Variants in SFMBT2 observed in about 807,000 individuals in gnomAD.
SFMBT2 encodes scm-like with four MBT domains protein 2.
SFMBT2 carries 38 observed loss-of-function variants against 110.1 expected under a neutral mutation model. The ratio of observed to expected loss-of-function variants is 0.35; its 90% confidence interval spans 0.27 to 0.45. SFMBT2 has a LOEUF of 0.45. Among genes scored for constraint, SFMBT2 ranks in the 20% least tolerant of loss-of-function variants. The probability of loss-of-function intolerance (pLI) is 1.00; values close to 1 mark genes in which losing one functional copy is unlikely to be tolerated. For synonymous variants in SFMBT2, 425 were observed against 425.4 expected (o/e 1.00, Z 0.01); for missense variants, 1,011 against 1,094.9 (o/e 0.92, Z 1.08).
In SFMBT2 at chr10:7,172,113, T is replaced by C; in HGVS notation, c.2197A>G (p.Ser733Gly). The change falls in exon 19 of 21, where the codon AGT becomes GGT. Residue 733 changes from serine (S) to glycine (G), a missense_variant. Ser to Gly is a moderately conservative substitution (Grantham distance 56, BLOSUM62 0). Transcript: ENST00000397167. The surrounding 1 kb of genome is among the most constrained non-coding windows in gnomAD (Gnocchi z 4.6). ...DADAMDDDTA[S>G]EETGSELRDD... is the part of the protein sequence containing the mutation. The stretch of plus-strand genomic sequence containing the variant: ...CGGAGCTCGGAGCCGGTCTCCTCAC[T>C]GGCGGTGTCATCGTCCATGGCGTCA... The C allele has an allele frequency of 6.3e-7, 1 of 1,591,276 alleles. No homozygotes were observed. The highest frequency in any genetic ancestry group is 8.6e-7 in the Non-Finnish European group (1 of 1,167,908).
chr10:7,255,056 T>C lies in SFMBT2; in HGVS notation c.871-6407A>G, dbSNP rs115857306. Among the ~76,000 whole-genome samples the C allele has an allele frequency of 4.0e-3, 607 of 152,298 alleles. 7 individuals carry two copies. The highest frequency in any genetic ancestry group is 0.014 in the African/African-American group (577 of 41,552). On this transcript the variant is annotated intron_variant, in intron 7 of 20. Transcript: ENST00000397167. ...TGGTGTAAATGTCCATCCATATTAG[T>C]ATATGAGAAAAGATGCAGCTATTCT... is the stretch of plus-strand genomic sequence containing the variant.
In SFMBT2 at chr10:7,293,814, A is replaced by G. The variant is rs1434299324; in HGVS notation, c.437-7860T>C. On this transcript the variant is annotated intron_variant, in intron 4 of 20. Coordinates refer to ENST00000397167, the MANE Select transcript of SFMBT2 (RefSeq NM_001387889.1). This position sits in a 1 kb window ranked among gnomAD's most constrained non-coding sequence, Gnocchi z 4.6. Reference sequence around the variant, plus strand: ...ATATGTTAGGAACCCAGGGTCTTTCAATCCTGTCACTCTGCTCTAAGTGAG... The same window carrying G: ...ATATGTTAGGAACCCAGGGTCTTTCGATCCTGTCACTCTGCTCTAAGTGAG... Among the ~76,000 whole-genome samples, 1 of 152,110 alleles carries G rather than the reference A, an allele frequency of 6.6e-6. No homozygotes were observed. The highest frequency in any genetic ancestry group is 1.9e-4 in the East Asian group (1 of 5,190).
At chr10:7,323,259 G>C (rs1179256131) in intron 4 of SFMBT2, among the ~76,000 whole-genome samples, 1 of 151,998 alleles carries the variant, frequency 6.6e-6, no homozygotes, top group Non-Finnish European at 1.5e-5. Context: ...TTTGCAGCAT[G>C]ACCAATATGG....
chr10:7,315,128 C>T (rs555288917), intron 4 of SFMBT2, among the ~76,000 whole-genome samples: 1 of 143,756 alleles, frequency 7.0e-6, no homozygotes, highest in Non-Finnish European at 1.5e-5. Context: ...GCAAGCAAGC[C>T]AGCCAATCCG....
chr10:7,319,947 TGAGAGAGACA>T (rs1843130219), intron 4 of SFMBT2, among the ~76,000 whole-genome samples: 3 of 67,394 alleles, frequency 4.5e-5, no homozygotes, highest in African/African-American at 1.2e-4. Flanking sequence ...ACACAGAGAC[TGAGAGAGACA>T]GAGAGAGATG....
intron 7 of SFMBT2, among the ~76,000 whole-genome samples, chr10:7,258,212 C>T (rs757015876): frequency 6.6e-6 from 1 of 152,184 alleles, no homozygotes; most frequent in African/African-American, 2.4e-5. Context: ...GGATTACAGG[C>T]GTGAGCCACC....
At chr10:7,204,662 T>A (rs1480783790) in intron 12 of SFMBT2, 6 of 258,290 alleles carry the variant, frequency 2.3e-5, no homozygotes, top group Non-Finnish European at 3.0e-5. Context: ...TCACTTGAGG[T>A]CAGAAGTTCG....
Position 7,170,694 on chromosome 10 carries a change from C to T in SFMBT2, c.2544+234G>A, listed in dbSNP as rs1203181692. Among the ~76,000 whole-genome samples the T allele has an allele frequency of 2.0e-5, 3 of 152,076 alleles. No homozygotes were observed. The highest frequency in any genetic ancestry group is 4.4e-5 in the Non-Finnish European group (3 of 68,000). ...AGAGCCTGGAAGAGTCACCCCTCCG[C>T]CCCCCACCATGGCACTGGTGGGGCC... is the stretch of plus-strand genomic sequence containing the variant. On this transcript the variant is annotated intron_variant, in intron 20 of 20. Coordinates refer to ENST00000397167, the MANE Select transcript of SFMBT2 (RefSeq NM_001387889.1). The surrounding 1 kb of genome is among the most constrained non-coding windows in gnomAD (Gnocchi z 4.6).
intron 7 of SFMBT2, among the ~76,000 whole-genome samples, chr10:7,254,578 T>C (rs1040160759): frequency 2.0e-4 from 30 of 151,938 alleles, no homozygotes; most frequent in Non-Finnish European, 2.2e-4. Flanking sequence ...TCCCAGCACT[T>C]TGGGAGGCTG....
In SFMBT2 at chr10:7,269,211, T is replaced by C. The variant is rs943776183; in HGVS notation, c.870+7681A>G. On this transcript the variant is annotated intron_variant, in intron 7 of 20. Transcript: ENST00000397167. ...GTAAGTCAGAATTCCCAGTAAAGTA[T>C]GGCATCCAAAGCTATTCACAGTGAT... 5.1e-4 allele frequency among the ~76,000 whole-genome samples: 78 copies of C among 152,206 alleles called. 1 individual carries two copies. The highest frequency in any genetic ancestry group is 4.6e-3 in the Admixed American group (70 of 15,278).
chr10:7,345,766 C>T (rs1350809317), intron 4 of SFMBT2, among the ~76,000 whole-genome samples: 1 of 152,076 alleles, frequency 6.6e-6, no homozygotes, highest in Non-Finnish European at 1.5e-5. Flanking sequence ...AGAAGTGTGT[C>T]CTTCCCTTCT....
Position 7,370,376 on chromosome 10 carries a change from C to T in SFMBT2, c.101-1G>A. ...GTTTCCTCCAAGCTTGAGCCTTCTT[C>T]TGTTGAAAAACAAAAGAACAGAATA... On this transcript the variant is annotated splice_acceptor_variant, in intron 2 of 20. Coordinates refer to ENST00000397167, the MANE Select transcript of SFMBT2 (RefSeq NM_001387889.1). LOFTEE classifies it high-confidence loss of function. 1 of 1,613,552 alleles carries T rather than the reference C, an allele frequency of 6.2e-7. No homozygotes were observed. Among genetic ancestry groups the T allele is most frequent in the Non-Finnish European group, 8.5e-7 (1 of 1,179,512 alleles).
Position 7,224,162 on chromosome 10 carries a change from G to A in SFMBT2, c.1204-3625C>T, listed in dbSNP as rs950868935. Among the ~76,000 whole-genome samples the A allele has an allele frequency of 5.3e-5, 8 of 152,104 alleles. No homozygotes were observed. The South Asian group carries it at 6.2e-4, about 12-fold the overall frequency. ...GATATTTTAAATGTTATGTTGTGGC[G>A]ACTCTGGATTACGTTATATTCCTAC... On this transcript the variant is annotated intron_variant, in intron 10 of 20. Transcript: ENST00000397167.
chr10:7,345,263 T>C (rs1844073052), intron 4 of SFMBT2, among the ~76,000 whole-genome samples: 1 of 152,204 alleles, frequency 6.6e-6, no homozygotes. Context: ...TCTCTAGATG[T>C]CATGATGTCC....
intron 1 of SFMBT2, among the ~76,000 whole-genome samples, chr10:7,406,406 C>T (rs1180149116): frequency 6.6e-6 from 1 of 150,720 alleles, no homozygotes; most frequent in Non-Finnish European, 1.5e-5. Flanking sequence ...CTGCTCAAAG[C>T]AATGCTTCCA....
In SFMBT2 at chr10:7,172,548, C is replaced by A. The variant is rs374674288; in HGVS notation, c.2098G>T (p.Val700Leu). Residue 700 changes from valine (V) to leucine (L), a missense_variant, in exon 18 of 21, where the codon GTG becomes TTG. This residue lies in a region of SFMBT2 where 979 missense variants were observed against 1,016.1 expected (regional missense o/e 0.96). Transcript: ENST00000397167. This position sits in a 1 kb window ranked among gnomAD's most constrained non-coding sequence, Gnocchi z 4.6. ...GCAGAAGACCTCCGTTTCTTCTGCA[C>A]GAAAATGGATTTCCGTCGCTTCCTC... ...RRRKRRKSIF[V>L]QKKRRSSAVD... The A allele has an allele frequency of 1.9e-6, 3 of 1,614,054 alleles. No homozygotes were observed. The highest frequency in any genetic ancestry group is 1.7e-5 in the Admixed American group (1 of 60,012).
intron 4 of SFMBT2, among the ~76,000 whole-genome samples, chr10:7,346,403 C>T (rs924476145): frequency 5.9e-5 from 9 of 152,110 alleles, no homozygotes; most frequent in Admixed American, 2.0e-4. Context: ...GAGCAAGACA[C>T]GGGTAATTTT....
At chr10:7,249,978 T>C (rs1287398241) in intron 7 of SFMBT2, among the ~76,000 whole-genome samples, 1 of 152,190 alleles carries the variant, frequency 6.6e-6, no homozygotes, top group East Asian at 1.9e-4. Context: ...TCAAAGGAAC[T>C]GGCCACTCTA....
chr10:7,329,565 C>G (rs1353896431), intron 4 of SFMBT2: 12 of 959,130 alleles, frequency 1.3e-5, no homozygotes, highest in African/African-American at 1.8e-5. Flanking sequence ...CCCTAGCGCC[C>G]AGGGGCCAAA....
Sources: allele counts gnomAD v4.1 joint callset (sites outside exome capture counted in the v4.1 genomes callset), GRCh38; gene constraint gnomAD v4.1.1; regional missense constraint gnomAD v4.1.1; non-coding constraint Gnocchi (gnomAD v3.1); transcripts MANE v1.5; gene names NCBI Gene and HGNC (gene_info 2026-07-23, HGNC 2026-07-21).